Variants in MAP3K13 observed in about 807,000 individuals in gnomAD.
MAP3K13 encodes the protein mitogen-activated protein kinase kinase kinase 13.
A neutral mutation model predicts 104.0 loss-of-function variants in MAP3K13; 52 were observed. The observed-to-expected ratio is 0.50, with a 90% CI of 0.40 to 0.63. MAP3K13 has a LOEUF of 0.63. Ranked by LOEUF, MAP3K13 falls within the 20% of genes least tolerant of loss-of-function variation. The pLI is 0.00. For missense variants in MAP3K13, 914 were observed against 1,218.5 expected (o/e 0.75, Z 3.72); for synonymous variants, 394 against 442.2 (o/e 0.89, Z 1.37).
chr3:185,459,271 AC>A (rs1431079490), intron 7 of MAP3K13, among the ~76,000 whole-genome samples: 1 of 151,836 alleles, frequency 6.6e-6, no homozygotes, highest in African/African-American at 2.4e-5. Flanking sequence ...GTTGGACTGG[AC>A]CCCACTATGG....
At position 185,314,626 on chromosome 3, in the gene MAP3K13, T is replaced by TA. The variant is rs201937203; in HGVS notation, c.-86+28993dup. 3.9e-3 allele frequency among the ~76,000 whole-genome samples: 574 copies of TA among 145,426 alleles called. 3 individuals are homozygous for TA. The highest frequency in any genetic ancestry group is 0.033 in the East Asian group (163 of 4,948). On this transcript the variant is annotated intron_variant, in intron 2 of 14. Coordinates refer to the MAP3K13 transcript ENST00000424227. ...AACTCCACGTCTCAAAAAAGAAAAG[T>TA]AAAAAAAAAAGAAACAAGATCCCAC...
intron 1 of MAP3K13, among the ~76,000 whole-genome samples, chr3:185,400,905 G>GTTTTTGTTTT (rs1712763107): frequency 9.3e-6 from 1 of 107,292 alleles, no homozygotes; most frequent in Non-Finnish European, 1.8e-5. Flanking sequence ...GTGTTTGTTT[G>GTTTTTGTTTT]TTTTTTTTTT....
intron 12 of MAP3K13, among the ~76,000 whole-genome samples, chr3:185,478,612 C>T (rs1041015342): frequency 3.3e-5 from 5 of 151,094 alleles, no homozygotes; most frequent in South Asian, 2.1e-4. Context: ...TGTACTAGGC[C>T]GGGTGCTGTG....
chr3:185,454,988 G>GAT (rs200877361), intron 7 of MAP3K13, among the ~76,000 whole-genome samples: 8,600 of 30,126 alleles, frequency 0.29, 2,047 homozygotes, highest in South Asian at 0.45. Flanking sequence ...ATATATATGA[G>GAT]ATATATATGA....
intron 2 of MAP3K13, among the ~76,000 whole-genome samples, chr3:185,307,764 G>A (rs1721346895): frequency 6.6e-6 from 1 of 151,466 alleles, no homozygotes; most frequent in African/African-American, 2.4e-5. Context: ...GGCTGGTCTT[G>A]AACTCCTGAC....
intron 2 of MAP3K13, among the ~76,000 whole-genome samples, chr3:185,313,725 AAGT>A (rs1350150392): frequency 5.3e-5 from 6 of 112,812 alleles, no homozygotes; most frequent in African/African-American, 1.2e-4. Context: ...GAAAAACATG[AAGT>A]AGTGGTGAAA....
chr3:185,339,035 C>T (rs1722620653), intron 2 of MAP3K13, among the ~76,000 whole-genome samples: 1 of 152,112 alleles, frequency 6.6e-6, no homozygotes, highest in African/African-American at 2.4e-5. Context: ...AATGCTATCT[C>T]TAGGCTGGGC....
chr3:185,445,265 A>G (rs935464566), intron 4 of MAP3K13, among the ~76,000 whole-genome samples: 1 of 152,184 alleles, frequency 6.6e-6, no homozygotes, highest in South Asian at 2.1e-4. Context: ...GGGACTCACA[A>G]TGAATCCTGC....
At chr3:185,481,613 G>A (rs1718461958) in intron 13 of MAP3K13, among the ~76,000 whole-genome samples, 1 of 152,202 alleles carries the variant, frequency 6.6e-6, no homozygotes, top group Non-Finnish European at 1.5e-5. Flanking sequence ...TGGAGAGGCA[G>A]GCTAGCATAG....
At chr3:185,458,759 A>G (rs1577596745) in intron 7 of MAP3K13, among the ~76,000 whole-genome samples, 1 of 152,368 alleles carries the variant, frequency 6.6e-6, no homozygotes, top group Non-Finnish European at 1.5e-5. Flanking sequence ...ACTTCGGTCA[A>G]GAGGTGCTGC....
At chr3:185,454,529 A>G (rs1292118494) in intron 7 of MAP3K13, among the ~76,000 whole-genome samples, 1 of 62,112 alleles carries the variant, frequency 1.6e-5, no homozygotes, top group Non-Finnish European at 3.6e-5. Context: ...TATACCATAT[A>G]TATGAGATAT....
At chr3:185,471,451 CTTT>C (rs71164510) in intron 10 of MAP3K13, among the ~76,000 whole-genome samples, 1 of 75,440 alleles carries the variant, frequency 1.3e-5, no homozygotes, top group African/African-American at 6.4e-5. Flanking sequence ...ACGACCTTTA[CTTT>C]TTTTTTTTTT....
chr3:185,345,207 C>G (rs1722872987), intron 2 of MAP3K13, among the ~76,000 whole-genome samples: 1 of 151,136 alleles, frequency 6.6e-6, no homozygotes, highest in African/African-American at 2.5e-5. Flanking sequence ...CTGCACTTTT[C>G]TGTTTTCTCT....
chr3:185,460,034 G>A (rs373036362), intron 7 of MAP3K13, among the ~76,000 whole-genome samples: 12 of 152,164 alleles, frequency 7.9e-5, no homozygotes, highest in African/African-American at 1.7e-4. Context: ...TTTGTAGCAC[G>A]TGTCACAACT....
upstream of MAP3K13, among the ~76,000 whole-genome samples, chr3:185,358,627 G>A (rs190252333): frequency 4.1e-5 from 2 of 48,952 alleles, no homozygotes; most frequent in Non-Finnish European, 6.5e-5. Flanking sequence ...TTTAATGGGA[G>A]CTGGACAGAG....
intron 2 of MAP3K13, among the ~76,000 whole-genome samples, chr3:185,341,089 C>T (rs1230064757): frequency 6.6e-6 from 1 of 152,174 alleles, no homozygotes; most frequent in Non-Finnish European, 1.5e-5. Flanking sequence ...CTATTCAACA[C>T]ACCACAACAC....
At position 185,355,538 on chromosome 3, in the gene MAP3K13, G is replaced by A. The variant is rs148005480; in HGVS notation, c.-86+69895G>A. Among the ~76,000 whole-genome samples, 542 of 152,230 alleles carry A rather than the reference G, an allele frequency of 3.6e-3. 3 individuals are homozygous for A. Among genetic ancestry groups the A allele is most frequent in the African/African-American group, 0.012 (496 of 41,542 alleles). ...AATCCCCAGCTACTCAGAAGGCTGA[G>A]GCAGGAGAATCACTTGAACCTAGGA... On this transcript the variant is annotated intron_variant, in intron 2 of 14. Coordinates refer to the MAP3K13 transcript ENST00000424227.
upstream of MAP3K13, among the ~76,000 whole-genome samples, chr3:185,358,314 A>C (rs964229120): frequency 2.0e-5 from 3 of 152,332 alleles, 1 homozygote; most frequent in South Asian, 6.2e-4. Context: ...CTTCAAGAAC[A>C]GAAAATTTTT....
Position 185,334,162 on chromosome 3 carries a change from T to C in MAP3K13, c.-86+48519T>C, listed in dbSNP as rs1165084512. 3.9e-5 allele frequency among the ~76,000 whole-genome samples: 6 copies of C among 152,130 alleles called. No individual in the cohort carries two copies. The East Asian group carries it at 1.2e-3, about 29-fold the overall frequency. ...ACTGTAAAACATTGCTGAGAAAAACTTAACAACTCAGAAATAGAAAGTGCA... is the reference window on the plus strand; with the variant it reads ...ACTGTAAAACATTGCTGAGAAAAACCTAACAACTCAGAAATAGAAAGTGCA... On this transcript the variant is annotated intron_variant, in intron 2 of 14. Coordinates refer to the MAP3K13 transcript ENST00000424227.
Sources: allele counts gnomAD v4.1 joint callset (sites outside exome capture counted in the v4.1 genomes callset), GRCh38; gene constraint gnomAD v4.1.1; transcripts MANE v1.5; gene names NCBI Gene and HGNC (gene_info 2026-07-23, HGNC 2026-07-21).